The following GRB2 variants were observed in gnomAD, a reference collection of about 807,000 sequenced individuals.
GRB2 encodes the protein growth factor receptor-bound protein 2.
Under a neutral mutation model 27.4 loss-of-function variants are expected in GRB2, and 2 were observed. The ratio of observed to expected loss-of-function variants is 0.07; its 90% CI spans 0.03 to 0.23. The LOEUF (loss-of-function observed/expected upper bound fraction) is 0.23. Among genes scored for constraint, GRB2 ranks in the 10% least tolerant of loss-of-function variants. GRB2 has a pLI of 1.00. For synonymous variants in GRB2, 94 were observed against 99.6 expected, an observed-to-expected ratio of 0.94 and a Z score of 0.33; for missense variants, 102 against 282.4, an observed-to-expected ratio of 0.36 and a Z score of 4.58.
At chr17:75,357,624 C>CTTAA (rs2078741746) in intron 2 of GRB2, among the ~76,000 whole-genome samples, 1 of 152,166 alleles carries the variant, frequency 6.6e-6, no homozygotes, top group Admixed American at 6.6e-5. Context: ...TCTATTCATG[C>CTTAA]TTAAAACTGA....
intron 3 of GRB2, among the ~76,000 whole-genome samples, 153 bp downstream of exon 3, chr17:75,332,547 T>C (rs1368990431): frequency 6.6e-6 from 1 of 152,218 alleles, no homozygotes; most frequent in Non-Finnish European, 1.5e-5. Context: ...TATTATTATA[T>C]ACTATTAACA....
At chr17:75,399,334 G>C (rs1218374350) in intron 1 of GRB2, among the ~76,000 whole-genome samples, 1 of 151,062 alleles carries the variant, frequency 6.6e-6, no homozygotes, top group Non-Finnish European at 1.5e-5. Context: ...GATTACAGGG[G>C]TGAGCCACCA....
At chr17:75,337,278 G>A (rs1188975360) in intron 2 of GRB2, among the ~76,000 whole-genome samples, 1 of 152,104 alleles carries the variant, frequency 6.6e-6, no homozygotes, top group Non-Finnish European at 1.5e-5. Context: ...TGCACTGGGA[G>A]CTTGCACACA....
intron 3 of GRB2, among the ~76,000 whole-genome samples, chr17:75,330,763 G>A (rs912745658): frequency 1.3e-5 from 2 of 151,940 alleles, no homozygotes; most frequent in Non-Finnish European, 2.9e-5. Flanking sequence ...GAGCTAAGGG[G>A]GTGAGGGGAG....
chr17:75,400,394 A>G (rs4614762), intron 1 of GRB2, among the ~76,000 whole-genome samples: 143,166 of 152,024 alleles, frequency 0.94, 67,492 homozygotes, highest in East Asian at 0.97. Context: ...GGCTGGTCTC[A>G]AACTCCTGAC....
At chr17:75,392,358 T>C (rs2079003768) in intron 2 of GRB2, among the ~76,000 whole-genome samples, 1 of 152,234 alleles carries the variant, frequency 6.6e-6, no homozygotes, top group Admixed American at 6.5e-5. Flanking sequence ...TAAAGGGCTC[T>C]GCAGCATCAT....
At chr17:75,326,053 C>T in intron 3 of GRB2, 33 bp from the exon 4 acceptor site, 1 of 1,613,306 alleles carries the variant, frequency 6.2e-7, no homozygotes, top group Non-Finnish European at 8.5e-7. Flanking sequence ...TCAACATCTG[C>T]TTCCCCACAA....
At chr17:75,388,434 C>A (rs2078978572) in intron 2 of GRB2, among the ~76,000 whole-genome samples, 1 of 151,862 alleles carries the variant, frequency 6.6e-6, no homozygotes, top group South Asian at 2.1e-4. Context: ...AGATTAAATG[C>A]AATATTCTGG....
intron 2 of GRB2, chr17:75,373,306 T>C (rs1176415248): frequency 6.6e-6 from 1 of 152,214 alleles, no homozygotes; most frequent in Non-Finnish European, 1.5e-5. Flanking sequence ...GGAGGCATGA[T>C]GTTTGGAGGT....
chr17:75,394,015 T>G, intron 1 of GRB2: 7 of 252,956 alleles, frequency 2.8e-5, no homozygotes, highest in Middle Eastern at 1.4e-3. Flanking sequence ...TTCCTCTTCC[T>G]TCCCGCTGGG....
chr17:75,341,447 TA>T (rs61039194), intron 2 of GRB2, among the ~76,000 whole-genome samples: 12,096 of 109,886 alleles, frequency 0.11, 550 homozygotes, highest in Middle Eastern at 0.17. Flanking sequence ...GTGACTCCAT[TA>T]AAAAAAAAAA....
At chr17:75,376,396 C>CT in intron 2 of GRB2, among the ~76,000 whole-genome samples, 1 of 150,352 alleles carries the variant, frequency 6.7e-6, no homozygotes, top group East Asian at 1.9e-4. Flanking sequence ...TGGCATGCTC[C>CT]TGTAATCCCA....
In GRB2 at chr17:75,320,712, A is replaced by G. The variant is rs2078452882; in HGVS notation, c.469-159T>C. ...CCCAACCCCCCGTTTATTCTTACCT[A>G]TTCTAAGTTTACAGGCCAAGCGGGT... On this transcript the variant is annotated intron_variant, in intron 5 of 5. Coordinates refer to ENST00000316804, the MANE Select transcript of GRB2 (RefSeq NM_002086.5). The surrounding 1 kb of genome is among the most constrained non-coding windows in gnomAD (Gnocchi z 4.3). 6.6e-6 allele frequency among the ~76,000 whole-genome samples: 1 copy of G among 152,034 alleles called. No homozygotes were observed. The highest frequency in any genetic ancestry group is 2.4e-5 in the African/African-American group (1 of 41,372).
chr17:75,391,110 C>T (rs1451180334), intron 2 of GRB2, among the ~76,000 whole-genome samples: 2 of 152,000 alleles, frequency 1.3e-5, no homozygotes, highest in African/African-American at 4.8e-5. Flanking sequence ...AGTTATGAGA[C>T]AAAGGGCAAC....
chr17:75,359,162 CAAAAAAAAAA>C (rs3082676), intron 2 of GRB2, among the ~76,000 whole-genome samples: 14 of 64,722 alleles, frequency 2.2e-4, no homozygotes, highest in Admixed American at 1.8e-3. Context: ...GACTACATCT[CAAAAAAAAAA>C]AAAAAAAAAA....
intron 2 of GRB2, among the ~76,000 whole-genome samples, chr17:75,387,029 C>T (rs1345759132): frequency 2.1e-5 from 3 of 139,734 alleles, no homozygotes; most frequent in African/African-American, 5.0e-5. Context: ...GGTGTGGTGG[C>T]GGGTGCCTGT....
chr17:75,323,382 G>A (rs1409592092), intron 4 of GRB2, among the ~76,000 whole-genome samples: 2 of 152,108 alleles, frequency 1.3e-5, no homozygotes, highest in African/African-American at 4.8e-5. Flanking sequence ...GGCACTTCTG[G>A]CCCCACAGAG....
At chr17:75,353,484 C>A (rs1031188699) in intron 2 of GRB2, among the ~76,000 whole-genome samples, 3 of 152,032 alleles carry the variant, frequency 2.0e-5, no homozygotes, top group Non-Finnish European at 4.4e-5. Flanking sequence ...CCATTTTTAC[C>A]GGGCGCGGTG....
chr17:75,381,287 G>A (rs185740656), intron 2 of GRB2, among the ~76,000 whole-genome samples: 246 of 152,210 alleles, frequency 1.6e-3, no homozygotes, highest in Non-Finnish European at 2.8e-3. Flanking sequence ...AAAAATACTG[G>A]AATAGAGGGA....
Sources: allele counts gnomAD v4.1 joint callset (sites outside exome capture counted in the v4.1 genomes callset), GRCh38; gene constraint gnomAD v4.1.1; non-coding constraint Gnocchi (gnomAD v3.1); transcripts MANE v1.5; gene names NCBI Gene and HGNC (gene_info 2026-07-23, HGNC 2026-07-21).